IQCJ: variants seen among roughly 807,000 people sequenced by gnomAD.
The protein encoded by IQCJ is IQ domain-containing protein J.
Under a neutral mutation model 11.0 loss-of-function variants are expected in IQCJ, and 9 were observed. The observed-to-expected ratio is 0.82, with a 90% CI of 0.49 to 1.43. The LOEUF (loss-of-function observed/expected upper bound fraction) is 1.43, where lower values mean the gene tolerates loss of function less well. Ranked by LOEUF, IQCJ falls within the 40% of genes most tolerant of loss-of-function variation. The pLI is 0.00. For synonymous variants in IQCJ, 55 were observed against 51.3 expected (o/e 1.07, Z -0.31); for missense variants, 146 against 133.2 (o/e 1.10, Z -0.47).
At chr3:159,092,159 T>G (rs1717358914) in intron 1 of IQCJ, among the ~76,000 whole-genome samples, 1 of 151,836 alleles carries the variant, frequency 6.6e-6, no homozygotes, top group Non-Finnish European at 1.5e-5. Flanking sequence ...TGCTTCCTGA[T>G]GAGTTGCAGT....
rs142816031 is a variant in IQCJ, at chr3:159,103,972, C to T, written c.9+34531C>T. ...TTTGCTTCATTTCATTTTTGGGGCC[C>T]CATCTAGTGAGGCAGAGAGAGCCTT... On this transcript the variant is annotated intron_variant, in intron 1 of 3. Coordinates refer to ENST00000397832, the MANE Select transcript of IQCJ (RefSeq NM_001042706.3). Among the ~76,000 whole-genome samples the T allele has an allele frequency of 1.0e-3, 154 of 152,312 alleles. 1 individual carries two copies. Among genetic ancestry groups the T allele is most frequent in the African/African-American group, 3.5e-3 (147 of 41,568 alleles).
Position 159,069,438 on chromosome 3 carries a change from T to G in IQCJ, c.6T>G (p.Arg2=). 1 of 1,609,078 alleles carries G rather than the reference T, an allele frequency of 6.2e-7. No homozygotes were observed. The highest frequency in any genetic ancestry group is 1.3e-5 in the African/African-American group (1 of 74,728). ...GGTGTTCCAGAAACTTCAAAATGCG[T>G]CTGGTAATGTATTTGCTTTTCTAAA... The part of the protein sequence containing the change: M[R]LEELKRLQNP... Residue 2 remains arginine (R), a synonymous_variant, in exon 1 of 4, where the codon CGT becomes CGG. Coordinates refer to ENST00000397832, the MANE Select transcript of IQCJ (RefSeq NM_001042706.3).
chr3:159,239,102 C>A (rs764155105), intron 1 of IQCJ, among the ~76,000 whole-genome samples: 5 of 152,138 alleles, frequency 3.3e-5, no homozygotes. Flanking sequence ...AAGGATGAAA[C>A]TATGAGTGAA....
At chr3:159,241,431 T>C (rs1439441404) in intron 1 of IQCJ, among the ~76,000 whole-genome samples, 1 of 151,644 alleles carries the variant, frequency 6.6e-6, no homozygotes, top group Non-Finnish European at 1.5e-5. Flanking sequence ...TAAAATAAAA[T>C]AAAATAAAAA....
chr3:159,171,060 T>TA (rs1278403607), intron 1 of IQCJ, among the ~76,000 whole-genome samples: 1 of 151,984 alleles, frequency 6.6e-6, no homozygotes, highest in African/African-American at 2.4e-5. Flanking sequence ...TTGCATGGAC[T>TA]AAAACATCCA....
At chr3:159,214,342 A>T (rs889907142) in intron 1 of IQCJ, among the ~76,000 whole-genome samples, 3 of 151,932 alleles carry the variant, frequency 2.0e-5, no homozygotes, top group Non-Finnish European at 2.9e-5. Context: ...CCTCCTGATG[A>T]TCTCTTGGCT....
chr3:159,185,409 A>G (rs1723319676), intron 1 of IQCJ, among the ~76,000 whole-genome samples: 1 of 152,198 alleles, frequency 6.6e-6, no homozygotes. Flanking sequence ...TGGGCAGTCT[A>G]AAAGAAGGAT....
intron 3 of IQCJ, 125 bp from the exon 4 acceptor site, chr3:159,262,423 T>A (rs1577124988): frequency 6.4e-6 from 9 of 1,409,688 alleles, no homozygotes; most frequent in Non-Finnish European, 8.5e-6. Context: ...TCACATTCTG[T>A]ATGTTCTACT....
chr3:159,218,074 A>G (rs969353728), intron 1 of IQCJ, among the ~76,000 whole-genome samples: 4 of 151,638 alleles, frequency 2.6e-5, no homozygotes, highest in African/African-American at 4.8e-5. Flanking sequence ...ACTTATGTAC[A>G]TGGTAGTCAC....
chr3:159,210,716 G>A (rs565240482), intron 1 of IQCJ, among the ~76,000 whole-genome samples: 1 of 152,222 alleles, frequency 6.6e-6, no homozygotes, highest in East Asian at 1.9e-4. Flanking sequence ...TGTTGCCCAG[G>A]CTGGAGTGCA....
At chr3:159,222,290 C>T (rs1035670824) in intron 1 of IQCJ, among the ~76,000 whole-genome samples, 5 of 152,078 alleles carry the variant, frequency 3.3e-5, no homozygotes, top group Non-Finnish European at 5.9e-5. Flanking sequence ...GTGTTCTACA[C>T]ATACGCATGA....
chr3:159,081,915 T>C (rs1219342729), intron 1 of IQCJ, among the ~76,000 whole-genome samples: 1 of 152,158 alleles, frequency 6.6e-6, no homozygotes, highest in Admixed American at 6.6e-5. Context: ...ATTTCAGCAA[T>C]TCATTTAACC....
chr3:159,079,424 T>C (rs1716159536), intron 1 of IQCJ, among the ~76,000 whole-genome samples: 1 of 152,114 alleles, frequency 6.6e-6, no homozygotes, highest in East Asian at 1.9e-4. Context: ...TAATAAGCAA[T>C]GAAAGGTCTA....
At chr3:159,252,117 A>G (rs1197387938) in intron 2 of IQCJ, among the ~76,000 whole-genome samples, 1 of 152,066 alleles carries the variant, frequency 6.6e-6, no homozygotes, top group Admixed American at 6.6e-5. Flanking sequence ...CTCTCAACTT[A>G]CCTACTTCCT....
At chr3:159,197,692 G>A (rs1291965282) in intron 1 of IQCJ, among the ~76,000 whole-genome samples, 1 of 152,070 alleles carries the variant, frequency 6.6e-6, no homozygotes, top group African/African-American at 2.4e-5. Flanking sequence ...GGGCCAAGTA[G>A]GAGAGTATGG....
At chr3:159,250,214 GTAGTTTA>G (rs1020602156) in intron 2 of IQCJ, among the ~76,000 whole-genome samples, 3 of 152,240 alleles carry the variant, frequency 2.0e-5, no homozygotes, top group Non-Finnish European at 4.4e-5. Flanking sequence ...ACAGGTATTG[GTAGTTTA>G]TAGTTTGGTG....
In IQCJ at chr3:159,204,994, A is replaced by T. The variant is rs919601896; in HGVS notation, c.10-40849A>T. ...AGGTCTTCCTTATCTTCCACTCTGG[A>T]CCTGTTCCTCCTGGTCTCACATGTT... On this transcript the variant is annotated intron_variant, in intron 1 of 3. Transcript: ENST00000397832. Among the ~76,000 whole-genome samples, 3 of 152,254 alleles carry T rather than the reference A, an allele frequency of 2.0e-5. No homozygotes were observed. In the South Asian group the frequency reaches 6.2e-4, roughly 32 times the overall value.
downstream of IQCJ, chr3:159,263,754 T>C (rs187311265): frequency 1.0e-3 from 992 of 985,288 alleles, 5 homozygotes; most frequent in African/African-American, 0.013. Context: ...TAAATGGTTT[T>C]GCCTAGATAT....
chr3:159,132,652 C>A (rs1283407909), intron 1 of IQCJ, among the ~76,000 whole-genome samples: 1 of 152,200 alleles, frequency 6.6e-6, no homozygotes, highest in Admixed American at 6.5e-5. Context: ...ATTCCTCTTA[C>A]TAACCGATAA....
Sources: allele counts gnomAD v4.1 joint callset (sites outside exome capture counted in the v4.1 genomes callset), GRCh38; gene constraint gnomAD v4.1.1; transcripts MANE v1.5; gene names NCBI Gene and HGNC (gene_info 2026-07-23, HGNC 2026-07-21).